The following CNTNAP5 variants were observed in gnomAD, a reference collection of about 807,000 sequenced individuals.
The protein encoded by CNTNAP5 is contactin-associated protein-like 5.
A neutral mutation model predicts 150.2 loss-of-function variants in CNTNAP5; 72 were observed. That is an observed-to-expected ratio of 0.48 (90% CI 0.40 to 0.58). CNTNAP5 has a LOEUF of 0.58. CNTNAP5 is among the 20% of genes least tolerant of loss of function. CNTNAP5 has a pLI of 0.00. For synonymous variants in CNTNAP5, 672 were observed against 619.8 expected, an observed-to-expected ratio of 1.08 and a Z score of -1.25; for missense variants, 1,636 against 1,626.2, an observed-to-expected ratio of 1.01 and a Z score of -0.10.
At chr2:124,086,856 G>C (rs1312696562) in intron 1 of CNTNAP5, among the ~76,000 whole-genome samples, 1 of 151,278 alleles carries the variant, frequency 6.6e-6, no homozygotes, top group African/African-American at 2.4e-5. Flanking sequence ...TTTGTTTTCT[G>C]TGTGCTGTTT....
At chr2:124,188,848 T>C (rs1309156826) in intron 1 of CNTNAP5, among the ~76,000 whole-genome samples, 1 of 152,110 alleles carries the variant, frequency 6.6e-6, no homozygotes, top group Non-Finnish European at 1.5e-5. Context: ...CAGTGGCATC[T>C]GACATTGTCA....
At chr2:124,159,365 C>G (rs1035460837) in intron 1 of CNTNAP5, among the ~76,000 whole-genome samples, 1 of 152,162 alleles carries the variant, frequency 6.6e-6, no homozygotes, top group African/African-American at 2.4e-5. Flanking sequence ...GTCACAACTG[C>G]TCAACTCTGT....
intron 19 of CNTNAP5, among the ~76,000 whole-genome samples, chr2:124,857,761 A>G: frequency 6.6e-6 from 1 of 152,104 alleles, no homozygotes; most frequent in East Asian, 1.9e-4. Context: ...TGGGAGGCAG[A>G]GGTTGCAGTG....
intron 19 of CNTNAP5, among the ~76,000 whole-genome samples, chr2:124,803,527 C>A (rs777950948): frequency 6.6e-6 from 1 of 152,160 alleles, no homozygotes; most frequent in Non-Finnish European, 1.5e-5. Flanking sequence ...TTTGGGTACA[C>A]AATCCAAATA....
At chr2:124,520,825 T>C (rs1694832772) in intron 8 of CNTNAP5, among the ~76,000 whole-genome samples, 1 of 152,206 alleles carries the variant, frequency 6.6e-6, no homozygotes, top group African/African-American at 2.4e-5. Flanking sequence ...TCAAGGAAGT[T>C]TGGGAAAAAA....
intron 13 of CNTNAP5, among the ~76,000 whole-genome samples, chr2:124,721,650 A>T (rs1215948599): frequency 1.3e-5 from 2 of 152,060 alleles, no homozygotes; most frequent in Admixed American, 1.3e-4. Context: ...GTATTACCCT[A>T]TTTATTTTCA....
intron 3 of CNTNAP5, among the ~76,000 whole-genome samples, chr2:124,381,628 G>T (rs1690797801): frequency 6.6e-6 from 1 of 152,030 alleles, no homozygotes; most frequent in Non-Finnish European, 1.5e-5. Flanking sequence ...GACTTTTCAG[G>T]GTCGGGGTAA....
intron 13 of CNTNAP5, 100 bp downstream of exon 13, chr2:124,648,058 A>G: frequency 9.6e-7 from 1 of 1,039,822 alleles, no homozygotes; most frequent in Non-Finnish European, 1.4e-6. Context: ...CTATAGTTAC[A>G]GTTAGTCACT....
intron 1 of CNTNAP5, among the ~76,000 whole-genome samples, chr2:124,185,015 A>G (rs951741465): frequency 6.6e-6 from 1 of 152,178 alleles, no homozygotes; most frequent in African/African-American, 2.4e-5. Context: ...GAACTTTTCA[A>G]TTTCTTCCCA....
intron 3 of CNTNAP5, among the ~76,000 whole-genome samples, chr2:124,285,980 TA>T (rs1346842760): frequency 1.3e-4 from 20 of 152,244 alleles, no homozygotes; most frequent in Admixed American, 5.2e-4. Flanking sequence ...ATTCAGGTGA[TA>T]AAATATTTTG....
At chr2:124,284,200 TAAATC>T in intron 3 of CNTNAP5, among the ~76,000 whole-genome samples, 1 of 152,306 alleles carries the variant, frequency 6.6e-6, no homozygotes, top group African/African-American at 2.4e-5. Flanking sequence ...AGGAACCAGA[TAAATC>T]AAAACAATGT....
intron 11 of CNTNAP5, among the ~76,000 whole-genome samples, chr2:124,601,404 C>A (rs1333326938): frequency 6.6e-6 from 1 of 152,170 alleles, no homozygotes; most frequent in Non-Finnish European, 1.5e-5. Flanking sequence ...GGAAGGCAAA[C>A]CACAGACATT....
intron 12 of CNTNAP5, among the ~76,000 whole-genome samples, chr2:124,639,483 C>T (rs553432677): frequency 5.3e-5 from 8 of 152,140 alleles, no homozygotes; most frequent in East Asian, 3.9e-4. Context: ...TTTTCTGACC[C>T]GGTACAAGGA....
chr2:124,690,377 CT>C (rs1679276798), intron 13 of CNTNAP5, among the ~76,000 whole-genome samples: 1 of 152,056 alleles, frequency 6.6e-6, no homozygotes, highest in African/African-American at 2.4e-5. Context: ...AGTGTTTCCC[CT>C]CACTGAGCAA....
intron 3 of CNTNAP5, among the ~76,000 whole-genome samples, chr2:124,341,752 C>T (rs1156703486): frequency 6.6e-6 from 1 of 152,144 alleles, no homozygotes; most frequent in Non-Finnish European, 1.5e-5. Flanking sequence ...GAAGCATCTT[C>T]AGTTGGAGCA....
intron 1 of CNTNAP5, among the ~76,000 whole-genome samples, chr2:124,214,158 G>A (rs1388432162): frequency 6.6e-6 from 1 of 152,190 alleles, no homozygotes; most frequent in Non-Finnish European, 1.5e-5. Flanking sequence ...AACTCAGAAA[G>A]CTGCACCAGG....
At chr2:124,059,868 CAT>C (rs1681957712) in intron 1 of CNTNAP5, among the ~76,000 whole-genome samples, 1 of 152,068 alleles carries the variant, frequency 6.6e-6, no homozygotes, top group African/African-American at 2.4e-5. Context: ...AAAAATGTCT[CAT>C]GGATTCTAGT....
At chr2:124,393,010 A>G (rs1243583297) in intron 3 of CNTNAP5, among the ~76,000 whole-genome samples, 4 of 151,730 alleles carry the variant, frequency 2.6e-5, no homozygotes, top group Admixed American at 2.6e-4. Flanking sequence ...TTTAACTCTT[A>G]TTTTATTTTA....
chr2:124,834,159 T>C (rs940958351), intron 19 of CNTNAP5, among the ~76,000 whole-genome samples: 1 of 152,184 alleles, frequency 6.6e-6, no homozygotes, highest in East Asian at 1.9e-4. Context: ...AATAAATTGC[T>C]GATAAATTGG....
Sources: gnomAD v4.1 joint callset for allele counts (sites outside exome capture counted in the v4.1 genomes callset) on GRCh38, gnomAD v4.1.1 for gene constraint, MANE v1.5 for transcripts, NCBI Gene and HGNC (gene_info 2026-07-23, HGNC 2026-07-21) for gene names.